The following CYP7B1 variants were observed in gnomAD, a reference collection of about 807,000 sequenced individuals.
CYP7B1 encodes the protein cytochrome P450 family 7 subfamily B member 1, also known as cytochrome P450 7B1.
In CYP7B1, 29 loss-of-function variants were observed where a neutral mutation model predicts 42.7. The observed-to-expected ratio is 0.68, with a 90% CI of 0.51 to 0.93. The LOEUF (loss-of-function observed/expected upper bound fraction) is 0.93, where lower values mean the gene tolerates loss of function less well. CYP7B1 is among the 40% of genes least tolerant of loss of function. CYP7B1 has a pLI of 0.00. For missense variants in CYP7B1, 655 were observed against 600.5 expected (o/e 1.09, Z -0.95); for synonymous variants, 235 against 218.2 (o/e 1.08, Z -0.68).
intron 1 of CYP7B1, among the ~76,000 whole-genome samples, chr8:64,796,720 A>G (rs971415897): frequency 6.6e-6 from 1 of 152,244 alleles, no homozygotes; most frequent in African/African-American, 2.4e-5. Context: ...CTATAAACTG[A>G]CATAGGAAGG....
chr8:64,665,559 G>GTTTTTTTTTTTTTTTTTTTTTTTT (rs540578806), intron 1 of CYP7B1, among the ~76,000 whole-genome samples: 1 of 52,022 alleles, frequency 1.9e-5, no homozygotes. Flanking sequence ...TTTTTTGGTG[G>GTTTTTTTTTTTTTTTTTTTTTTTT]TTTTTTTTTT....
chr8:64,709,013 G>T (rs1247158417), intron 1 of CYP7B1, among the ~76,000 whole-genome samples: 1 of 152,100 alleles, frequency 6.6e-6, no homozygotes, highest in Non-Finnish European at 1.5e-5. Flanking sequence ...TCTAACTGTG[G>T]GCAACAGTGA....
At chr8:64,739,389 G>C (rs1191250866) in intron 1 of CYP7B1, among the ~76,000 whole-genome samples, 1 of 152,204 alleles carries the variant, frequency 6.6e-6, no homozygotes, top group Non-Finnish European at 1.5e-5. Flanking sequence ...TCCTAGCGAA[G>C]CTCAAGGACA....
intron 1 of CYP7B1, among the ~76,000 whole-genome samples, chr8:64,778,499 C>A (rs1378428371): frequency 6.6e-6 from 1 of 151,914 alleles, no homozygotes; most frequent in African/African-American, 2.4e-5. Flanking sequence ...GTCTGTAACA[C>A]TTTCTCATTC....
intron 1 of CYP7B1, among the ~76,000 whole-genome samples, chr8:64,762,269 G>C (rs1807902215): frequency 6.6e-6 from 1 of 152,138 alleles, no homozygotes; most frequent in African/African-American, 2.4e-5. Context: ...TAAAGCTACA[G>C]AAGTTTAATA....
rs542884530 is a variant in CYP7B1, at chr8:64,593,385, A to G, written c.*3257T>C. Among the ~76,000 whole-genome samples, 2 of 152,206 alleles carry G rather than the reference A, an allele frequency of 1.3e-5. No individual in the cohort carries two copies. Among genetic ancestry groups the G allele is most frequent in the Non-Finnish European group, 2.9e-5 (2 of 68,010 alleles). The stretch of plus-strand genomic sequence containing the variant: ...TGCTCCACAGAGCAAAACTGTCAGT[A>G]TATTTGCCTATCTCAGTCTTAGCTC... On this transcript the variant is annotated 3_prime_UTR_variant, in exon 6 of 6. Coordinates refer to ENST00000310193, the MANE Select transcript of CYP7B1 (RefSeq NM_004820.5).
chr8:64,759,435 T>G (rs549535835), intron 1 of CYP7B1, among the ~76,000 whole-genome samples: 286 of 152,344 alleles, frequency 1.9e-3, no homozygotes, highest in African/African-American at 6.8e-3. Flanking sequence ...TCATACTATT[T>G]TGCAATAATA....
intron 1 of CYP7B1, among the ~76,000 whole-genome samples, chr8:64,708,540 C>T (rs925432909): frequency 1.8e-4 from 28 of 152,096 alleles, no homozygotes; most frequent in African/African-American, 6.3e-4. Flanking sequence ...TGAACCTAGG[C>T]GTTTCAGTTT....
chr8:64,745,927 C>A (rs1483805849), intron 1 of CYP7B1, among the ~76,000 whole-genome samples: 2 of 152,110 alleles, frequency 1.3e-5, no homozygotes, highest in Non-Finnish European at 2.9e-5. Context: ...CCATACTCAC[C>A]CTGACAACGT....
chr8:64,727,573 T>C (rs1490466794), intron 1 of CYP7B1, among the ~76,000 whole-genome samples: 1 of 152,146 alleles, frequency 6.6e-6, no homozygotes, highest in South Asian at 2.1e-4. Context: ...ACCGCATCTG[T>C]CCCAGTACTG....
At chr8:64,757,926 G>C (rs982104070) in intron 1 of CYP7B1, among the ~76,000 whole-genome samples, 59 of 152,144 alleles carry the variant, frequency 3.9e-4, no homozygotes, top group African/African-American at 1.4e-3. Context: ...ATTTCATGAA[G>C]CTTCTCAGAA....
intron 1 of CYP7B1, among the ~76,000 whole-genome samples, chr8:64,772,864 C>T (rs562786068): frequency 3.2e-4 from 48 of 152,308 alleles, no homozygotes; most frequent in African/African-American, 9.1e-4. Context: ...GGACATCAAG[C>T]AACCCACCTT....
At chr8:64,738,041 C>G (rs1209125506) in intron 1 of CYP7B1, among the ~76,000 whole-genome samples, 1 of 152,180 alleles carries the variant, frequency 6.6e-6, no homozygotes, top group Non-Finnish European at 1.5e-5. Flanking sequence ...AAAGGAGACT[C>G]TCTTTCAGAT....
At chr8:64,771,621 A>T (rs1804232954) in intron 1 of CYP7B1, among the ~76,000 whole-genome samples, 1 of 152,202 alleles carries the variant, frequency 6.6e-6, no homozygotes, top group South Asian at 2.1e-4. Context: ...CAATGCCCTC[A>T]GGGGTCTTTT....
At chr8:64,672,700 C>A (rs1806384347) in intron 1 of CYP7B1, among the ~76,000 whole-genome samples, 2 of 152,150 alleles carry the variant, frequency 1.3e-5, no homozygotes, top group Non-Finnish European at 2.9e-5. Context: ...CAAGTAACCA[C>A]TTCAGATGGT....
intron 4 of CYP7B1, among the ~76,000 whole-genome samples, chr8:64,608,086 A>T (rs1484395646): frequency 6.6e-6 from 1 of 152,214 alleles, no homozygotes; most frequent in Non-Finnish European, 1.5e-5. Context: ...CTGGCTAGGG[A>T]AGACTTCTTT....
chr8:64,626,089 C>T (rs1805606610), intron 1 of CYP7B1, among the ~76,000 whole-genome samples: 1 of 152,108 alleles, frequency 6.6e-6, no homozygotes, highest in Admixed American at 6.6e-5. Context: ...GACTTTCATG[C>T]AATTTCTCAT....
At chr8:64,658,862 T>G (rs1197232966) in intron 1 of CYP7B1, among the ~76,000 whole-genome samples, 1 of 152,188 alleles carries the variant, frequency 6.6e-6, no homozygotes, top group Admixed American at 6.5e-5. Flanking sequence ...TCTTCGTCAA[T>G]TCCCTCTTTC....
chr8:64,726,062 C>G (rs1315410868), intron 1 of CYP7B1, among the ~76,000 whole-genome samples: 3 of 152,080 alleles, frequency 2.0e-5, no homozygotes, highest in Non-Finnish European at 2.9e-5. Flanking sequence ...ATTAAACTGG[C>G]CCACTGGAGT....
Sources: gnomAD v4.1 joint callset for allele counts (sites outside exome capture counted in the v4.1 genomes callset) on GRCh38, gnomAD v4.1.1 for gene constraint, MANE v1.5 for transcripts, NCBI Gene and HGNC (gene_info 2026-07-23, HGNC 2026-07-21) for gene names.